The following GNPTAB variants were observed in gnomAD, a reference collection of about 807,000 sequenced individuals.
GNPTAB encodes the protein N-acetylglucosamine-1-phosphotransferase subunits alpha/beta.
GNPTAB carries 92 observed loss-of-function variants against 136.6 expected under a neutral mutation model. That is an observed-to-expected ratio of 0.67 (90% CI 0.57 to 0.80). GNPTAB has a LOEUF of 0.80. Among genes scored for constraint, GNPTAB ranks in the 30% least tolerant of loss-of-function variants. GNPTAB has a pLI of 0.00. For missense variants in GNPTAB, 1,343 were observed against 1,501.8 expected (o/e 0.89, Z 1.75); for synonymous variants, 512 against 535.1 (o/e 0.96, Z 0.60).
chr12:101,785,770 C>A (rs942585389), intron 5 of GNPTAB: 1 of 478,012 alleles, frequency 2.1e-6, no homozygotes. Flanking sequence ...ATTGTGATAT[C>A]AGATTGAAAG....
intron 1 of GNPTAB, among the ~76,000 whole-genome samples, chr12:101,805,792 T>C (rs1322381542): frequency 1.3e-5 from 2 of 152,168 alleles, no homozygotes; most frequent in African/African-American, 4.8e-5. Context: ...CAAATAAATG[T>C]TCATGCCTTT....
intron 1 of GNPTAB, among the ~76,000 whole-genome samples, chr12:101,805,967 T>C (rs1869913409): frequency 6.6e-6 from 1 of 152,222 alleles, no homozygotes; most frequent in Non-Finnish European, 1.5e-5. Context: ...TGAGTAATTA[T>C]GGTACATTCA....
At chr12:101,749,520 AT>A (rs761312281) in intron 19 of GNPTAB, among the ~76,000 whole-genome samples, 27 of 152,222 alleles carry the variant, frequency 1.8e-4, no homozygotes, top group Non-Finnish European at 3.8e-4. Flanking sequence ...TTCTTGATAA[AT>A]ACTTCCTGCG....
At chr12:101,767,486 T>C (rs1441092339) in intron 11 of GNPTAB, among the ~76,000 whole-genome samples, 4 of 152,218 alleles carry the variant, frequency 2.6e-5, no homozygotes, top group Non-Finnish European at 4.4e-5. Flanking sequence ...CTTGGATTTA[T>C]ATAAGTGTAT....
Position 101,764,927 on chromosome 12 carries a change from T to A in GNPTAB, c.1990A>T (p.Ile664Phe). The change falls in exon 13 of 21, where the codon ATC becomes TTC. Residue 664 changes from isoleucine to phenylalanine, a missense_variant. Physicochemically the swap from Ile to Phe is conservative, Grantham distance 21. Coordinates refer to ENST00000299314, the MANE Select transcript of GNPTAB (RefSeq NM_024312.5). ...SPITLLPEAE[I>F]LFEDIPKEKR... ...TCTTTGGGAATATCCTCAAAAAGGA[T>A]TTCCGCCTCTGGAAGAAGTGTTATG... 1 of 1,614,228 alleles carries A rather than the reference T, an allele frequency of 6.2e-7. No individual in the cohort carries two copies. The highest frequency in any genetic ancestry group is 8.5e-7 in the Non-Finnish European group (1 of 1,180,042).
intron 1 of GNPTAB, among the ~76,000 whole-genome samples, chr12:101,829,567 A>T (rs967938897): frequency 1.3e-5 from 2 of 152,196 alleles, no homozygotes; most frequent in Non-Finnish European, 2.9e-5. Flanking sequence ...ATAAACAGTT[A>T]ACTCAAAATT....
At position 101,761,156 on chromosome 12, in the gene GNPTAB, T is replaced by C. The variant is rs1952985795; in HGVS notation, c.3106A>G (p.Arg1036Gly). ...SDREIRTLAT[R>G]IHELPLSLQD... ...AAACTTAACGGCAGTTCGTGAATTC[T>C]GGTAGCCAGTGTTCGGATTTCTCTG... Residue 1036 changes from arginine (R) to glycine (G), a missense_variant, in exon 15 of 21, where the codon AGA becomes GGA. Arg to Gly is a moderately radical substitution (Grantham distance 125, BLOSUM62 -2). Transcript: ENST00000299314. 1.2e-6 allele frequency: 2 copies of C among 1,613,908 alleles called. No individual in the cohort carries two copies. Among genetic ancestry groups the C allele is most frequent in the Non-Finnish European group, 8.5e-7 (1 of 1,179,744 alleles).
Position 101,789,996 on chromosome 12 carries a change from G to T in GNPTAB, c.265C>A (p.Leu89Ile), listed in dbSNP as rs1196404001. The T allele has an allele frequency of 3.7e-6, 6 of 1,614,184 alleles. No individual in the cohort carries two copies. The highest frequency in any genetic ancestry group is 5.1e-6 in the Non-Finnish European group (6 of 1,180,010). The part of the protein sequence containing the change: ...YTWVNGTDLE[L>I]LKELQQVREQ... Reference sequence around the variant, plus strand: ...CTGACCTGCTGTAGTTCCTTCAGTAGTTCAAGATCTGTGCCATTCACCCAG... The same window carrying T: ...CTGACCTGCTGTAGTTCCTTCAGTATTTCAAGATCTGTGCCATTCACCCAG... The change falls in exon 3 of 21, where the codon CTA becomes ATA. Residue 89 changes from leucine (L) to isoleucine (I), a missense_variant. Transcript: ENST00000299314.
At chr12:101,772,601 C>T (rs933053172) in intron 7 of GNPTAB, among the ~76,000 whole-genome samples, 6 of 152,130 alleles carry the variant, frequency 3.9e-5, no homozygotes, top group Non-Finnish European at 7.4e-5. Context: ...ATATTTAGTA[C>T]TCACTAAGTT....
chr12:101,761,231 A>G lies in GNPTAB; in HGVS notation c.3031T>C (p.Ser1011Pro), dbSNP rs1479816658. 2 of 1,613,972 alleles carry G rather than the reference A, an allele frequency of 1.2e-6. No homozygotes were observed. Among genetic ancestry groups the G allele is most frequent in the Non-Finnish European group, 1.7e-6 (2 of 1,179,806 alleles). The change falls in exon 15 of 21, where the codon TCT (serine) becomes CCT (proline). Residue 1011 changes from serine (S) to proline (P), a missense_variant. Transcript: ENST00000299314. ...GTATCAACTTCATCAAAGACTTGAG[A>G]TATATTCAGTGGCTGCACTGCACTC... ...LMSAVQPLNI[S>P]QVFDEVDTDQ...
chr12:101,827,867 G>A (rs980128801), intron 1 of GNPTAB, among the ~76,000 whole-genome samples: 1 of 152,122 alleles, frequency 6.6e-6, no homozygotes. Flanking sequence ...TCCGGAGGGT[G>A]GGGCAGGGAA....
chr12:101,767,043 T>A (rs1024663379), intron 11 of GNPTAB, among the ~76,000 whole-genome samples: 11 of 152,236 alleles, frequency 7.2e-5, no homozygotes, highest in African/African-American at 2.7e-4. Flanking sequence ...AGATCTACTT[T>A]GCACATCTGT....
chr12:101,770,124 CG>C lies in GNPTAB; in HGVS notation c.1180del (p.Arg394AlafsTer12). On this transcript the variant is annotated frameshift_variant, in exon 10 of 21. Transcript: ENST00000299314. LOFTEE classifies it high-confidence loss of function. Reference sequence around the variant, plus strand: ...AAACTTCTGGGACAGCCCTTCGATGCGATGAATGTGACTTTCAATAGCAGGT... The same window carrying C: ...AAACTTCTGGGACAGCCCTTCGATGCATGAATGTGACTTTCAATAGCAGGT... ...SSPAIESHIH[R>X]IEGLSQKFIY... 1 of 1,614,030 alleles carries C rather than the reference CG, an allele frequency of 6.2e-7. No homozygotes were observed. Among genetic ancestry groups the C allele is most frequent in the Non-Finnish European group, 8.5e-7 (1 of 1,179,948 alleles).
chr12:101,757,446 C>G (rs1357332208), intron 17 of GNPTAB, 126 bp downstream of exon 17: 4 of 761,980 alleles, frequency 5.2e-6, no homozygotes, highest in South Asian at 3.0e-5. Context: ...AATACTACTA[C>G]AGCAAACAAT....
At position 101,788,820 on chromosome 12, in the gene GNPTAB, A is replaced by T. The variant is rs191548320; in HGVS notation, c.324-231T>A. ...ACCTGCACTGGGGTGCACTCTTGAC[A>T]TTCACAAAGAAGTCAACAAGTAGGT... On this transcript the variant is annotated intron_variant, in intron 3 of 20. Coordinates refer to ENST00000299314, the MANE Select transcript of GNPTAB (RefSeq NM_024312.5). 3.9e-5 allele frequency among the ~76,000 whole-genome samples: 6 copies of T among 152,376 alleles called. No homozygotes were observed. The East Asian group carries it at 1.2e-3, about 29-fold the overall frequency.
intron 2 of GNPTAB, among the ~76,000 whole-genome samples, chr12:101,794,454 G>C (rs944512517): frequency 2.0e-5 from 3 of 151,914 alleles, no homozygotes; most frequent in Admixed American, 6.6e-5. Flanking sequence ...TTCGAGACCA[G>C]CCTGGGCAAT....
At chr12:101,806,661 C>T (rs551857606) in intron 1 of GNPTAB, among the ~76,000 whole-genome samples, 2 of 152,236 alleles carry the variant, frequency 1.3e-5, no homozygotes, top group East Asian at 3.9e-4. Context: ...AACTCTGTCT[C>T]CACAGACTTT....
intron 19 of GNPTAB, among the ~76,000 whole-genome samples, chr12:101,751,101 C>T (rs111997218): frequency 1.8e-3 from 277 of 152,314 alleles, no homozygotes; most frequent in African/African-American, 6.5e-3. Flanking sequence ...AAAAATCTCT[C>T]CTGGGGGTCC....
chr12:101,821,126 T>C (rs994085997), intron 1 of GNPTAB, among the ~76,000 whole-genome samples: 7 of 151,196 alleles, frequency 4.6e-5, no homozygotes, highest in Non-Finnish European at 8.8e-5. Context: ...TGATTCTCAC[T>C]GCTGGTCTCT....
Sources: gnomAD v4.1 joint callset for allele counts (sites outside exome capture counted in the v4.1 genomes callset) on GRCh38, gnomAD v4.1.1 for gene constraint, MANE v1.5 for transcripts, NCBI Gene and HGNC (gene_info 2026-07-23, HGNC 2026-07-21) for gene names.